SNX29: variants seen among roughly 807,000 people sequenced by gnomAD.
SNX29 encodes the protein sorting nexin-29.
SNX29 carries 78 observed loss-of-function variants against 102.1 expected under a neutral mutation model. The observed-to-expected ratio is 0.76, with a 90% CI of 0.64 to 0.92. The LOEUF is 0.92. SNX29 is among the 40% of genes least tolerant of loss of function. The pLI is 0.00. For synonymous variants in SNX29, 580 were observed against 414.5 expected (o/e 1.40, Z -4.85); for missense variants, 1,280 against 1,061.7 (o/e 1.21, Z -2.86).
intron 3 of SNX29, among the ~76,000 whole-genome samples, chr16:12,009,533 G>C (rs2056578479): frequency 6.6e-6 from 1 of 151,836 alleles, no homozygotes; most frequent in African/African-American, 2.4e-5. Flanking sequence ...GTGAGATGCT[G>C]CCATCTTCAC....
chr16:12,091,030 A>AG (rs1171537678), intron 11 of SNX29, among the ~76,000 whole-genome samples: 2 of 134,824 alleles, frequency 1.5e-5, no homozygotes, highest in African/African-American at 5.8e-5. Flanking sequence ...AAAAAAAAAA[A>AG]AAAAAAAAGA....
At chr16:12,537,126 G>A (rs11642326) in intron 20 of SNX29, among the ~76,000 whole-genome samples, 1 of 152,072 alleles carries the variant, frequency 6.6e-6, no homozygotes, top group Non-Finnish European at 1.5e-5. Flanking sequence ...AGCTGTTGGT[G>A]AAATGGATCT....
At chr16:11,998,492 G>A (rs2056170010) in intron 1 of SNX29, among the ~76,000 whole-genome samples, 1 of 152,194 alleles carries the variant, frequency 6.6e-6, no homozygotes, top group African/African-American at 2.4e-5. Flanking sequence ...TTTTGTGAGA[G>A]TTAGCTTGTT....
intron 15 of SNX29, among the ~76,000 whole-genome samples, chr16:12,331,862 T>A (rs1357166633): frequency 2.6e-5 from 4 of 152,128 alleles, no homozygotes; most frequent in Admixed American, 6.5e-5. Flanking sequence ...AGAATATTGT[T>A]TTAAGAATTA....
chr16:12,061,491 C>A (rs746754744), intron 8 of SNX29, 37 bp from the exon 9 acceptor site: 2 of 1,537,928 alleles, frequency 1.3e-6, no homozygotes, highest in Non-Finnish European at 1.8e-6. Context: ...CCTGTGGGCT[C>A]TTTGGCCTGT....
rs2054137171 is a variant in SNX29 at position 12,124,881 on chromosome 16, AG to A, written c.1403-1748del. ...GTTGTTTGCCTTTCAGCGGTAGGAG[AG>A]GGGACCCCGCAGCATGGCCAGGCTC... On this transcript the variant is annotated intron_variant, in intron 11 of 20. Coordinates refer to ENST00000566228, the MANE Select transcript of SNX29 (RefSeq NM_032167.5). Among the ~76,000 whole-genome samples the A allele has an allele frequency of 2.6e-5, 4 of 152,126 alleles. No homozygotes were observed. In the South Asian group the frequency reaches 8.3e-4, roughly 32 times the overall value.
intron 15 of SNX29, among the ~76,000 whole-genome samples, chr16:12,320,094 T>A (rs1596893194): frequency 1.3e-5 from 2 of 151,794 alleles, no homozygotes; most frequent in African/African-American, 4.8e-5. Context: ...CACAGATGGG[T>A]CCTAAGGAGA....
chr16:12,455,414 C>A (rs1336701182), intron 18 of SNX29, among the ~76,000 whole-genome samples: 1 of 152,156 alleles, frequency 6.6e-6, no homozygotes, highest in Non-Finnish European at 1.5e-5. Flanking sequence ...TTGGCCAGCA[C>A]CCGCCGTGGC....
chr16:12,486,681 A>C (rs1205563965), intron 19 of SNX29, among the ~76,000 whole-genome samples: 1 of 152,142 alleles, frequency 6.6e-6, no homozygotes, highest in Non-Finnish European at 1.5e-5. Context: ...TGCCCATTTG[A>C]TGGACATTCA....
chr16:12,385,373 A>C (rs4780425), intron 16 of SNX29, among the ~76,000 whole-genome samples: 74,773 of 152,034 alleles, frequency 0.49, 18,603 homozygotes, highest in East Asian at 0.59. Context: ...CAACTTGTTC[A>C]TAGAGGATCT....
At position 12,077,490 on chromosome 16, in the gene SNX29, A is replaced by C. The variant is rs1437171593; in HGVS notation, c.1320-1343A>C. Among the ~76,000 whole-genome samples, 11 of 150,468 alleles carry C rather than the reference A, an allele frequency of 7.3e-5. No individual in the cohort carries two copies. In the Admixed American group the frequency reaches 7.3e-4, roughly 10 times the overall value. On this transcript the variant is annotated intron_variant, in intron 10 of 20. Coordinates refer to ENST00000566228, the MANE Select transcript of SNX29 (RefSeq NM_032167.5). ...CCAAAGACACTAAACTTTATTTTTC[A>C]TGTTGTAAATTATTTGTAAACATAC... is the stretch of plus-strand genomic sequence containing the variant.
At chr16:12,537,508 C>G (rs563249998) in intron 20 of SNX29, among the ~76,000 whole-genome samples, 2 of 152,140 alleles carry the variant, frequency 1.3e-5, no homozygotes, top group African/African-American at 2.4e-5. Context: ...ATTTCACAGG[C>G]TTGTTGGGAG....
intron 19 of SNX29, among the ~76,000 whole-genome samples, chr16:12,499,058 C>T (rs539628318): frequency 6.6e-6 from 1 of 152,184 alleles, no homozygotes; most frequent in Non-Finnish European, 1.5e-5. Flanking sequence ...GCTTAATTCT[C>T]ATTTCCACCT....
chr16:12,336,007 C>T (rs1484641579), intron 15 of SNX29, among the ~76,000 whole-genome samples: 1 of 152,144 alleles, frequency 6.6e-6, no homozygotes, highest in South Asian at 2.1e-4. Context: ...CTGTCTGGGT[C>T]TGTGTTTGTG....
At chr16:12,461,535 C>T (rs1330943413) in intron 18 of SNX29, among the ~76,000 whole-genome samples, 1 of 152,138 alleles carries the variant, frequency 6.6e-6, no homozygotes, top group Non-Finnish European at 1.5e-5. Context: ...TTCAGAGGCT[C>T]TGGTGCTGAG....
rs572842988 is a variant in SNX29 at position 12,525,266 on chromosome 16, A to G, written c.2318+425A>G. On this transcript the variant is annotated intron_variant, in intron 20 of 20. Coordinates refer to ENST00000566228, the MANE Select transcript of SNX29 (RefSeq NM_032167.5). ...CAGTATTGACTTAAATTATTTTTATATGAGTTTTACTTAAAAATGAACATT... is the reference window on the plus strand; with the variant it reads ...CAGTATTGACTTAAATTATTTTTATGTGAGTTTTACTTAAAAATGAACATT... Among the ~76,000 whole-genome samples the G allele has an allele frequency of 3.9e-5, 6 of 152,198 alleles. No homozygotes were observed. In the South Asian group the frequency reaches 1.2e-3, roughly 32 times the overall value.
chr16:12,098,056 G>A lies in SNX29; in HGVS notation c.1402+19141G>A, dbSNP rs2052844478. On this transcript the variant is annotated intron_variant, in intron 11 of 20. Coordinates refer to ENST00000566228, the MANE Select transcript of SNX29 (RefSeq NM_032167.5). This position sits in a 1 kb window ranked among gnomAD's most constrained non-coding sequence, Gnocchi z 6.0. ...TTGTCCGTTTCCTTATTTCCAAAAG[G>A]AGGTGAATAGCACTTGCCATGTGCA... Among the ~76,000 whole-genome samples the A allele has an allele frequency of 6.6e-6, 1 of 152,182 alleles. No individual in the cohort carries two copies. The highest frequency in any genetic ancestry group is 6.5e-5 in the Admixed American group (1 of 15,268).
intron 11 of SNX29, among the ~76,000 whole-genome samples, chr16:12,116,208 T>C (rs2053694960): frequency 6.6e-6 from 1 of 152,044 alleles, no homozygotes; most frequent in African/African-American, 2.4e-5. Context: ...TAGGTACACA[T>C]CCAAAAGAAC....
At chr16:12,039,297 T>G (rs1256175338) in intron 4 of SNX29, among the ~76,000 whole-genome samples, 1 of 152,214 alleles carries the variant, frequency 6.6e-6, no homozygotes, top group East Asian at 1.9e-4. Flanking sequence ...TGGGCGATTC[T>G]GCACTTTTGT....
Sources: allele counts gnomAD v4.1 joint callset (sites outside exome capture counted in the v4.1 genomes callset), GRCh38; gene constraint gnomAD v4.1.1; non-coding constraint Gnocchi (gnomAD v3.1); transcripts MANE v1.5; gene names NCBI Gene and HGNC (gene_info 2026-07-23, HGNC 2026-07-21).